The following LHFPL3 variants were observed in gnomAD, a reference collection of about 807,000 sequenced individuals.
The protein encoded by LHFPL3 is LHFPL tetraspan subfamily member 3 protein.
A neutral mutation model predicts 19.3 loss-of-function variants in LHFPL3; 5 were observed. The observed-to-expected ratio is 0.26, with a 90% CI of 0.14 to 0.54. The LOEUF (loss-of-function observed/expected upper bound fraction) is 0.54. Among genes scored for constraint, LHFPL3 ranks in the 20% least tolerant of loss-of-function variants. The pLI is 0.94. For synonymous variants in LHFPL3, 133 were observed against 126.2 expected (o/e 1.05, Z -0.36); for missense variants, 249 against 307.4 (o/e 0.81, Z 1.42).
chr7:104,560,009 C>G (rs1259123163), intron 1 of LHFPL3, among the ~76,000 whole-genome samples: 1 of 149,456 alleles, frequency 6.7e-6, no homozygotes, highest in Non-Finnish European at 1.5e-5. Context: ...TTGAACCAGC[C>G]TTGCATCCCA....
chr7:104,755,881 G>T (rs1794276500), intron 2 of LHFPL3, among the ~76,000 whole-genome samples: 1 of 152,140 alleles, frequency 6.6e-6, no homozygotes, highest in South Asian at 2.1e-4. Context: ...TTTTAGTAGA[G>T]ACAGGGTTTC....
intron 1 of LHFPL3, among the ~76,000 whole-genome samples, chr7:104,386,683 C>T (rs778133018): frequency 1.3e-5 from 2 of 152,178 alleles, no homozygotes; most frequent in Non-Finnish European, 2.9e-5. Context: ...CCCTGATATA[C>T]GTGTAGGACC....
At chr7:104,673,379 A>G (rs985618741) in intron 1 of LHFPL3, among the ~76,000 whole-genome samples, 13 of 152,344 alleles carry the variant, frequency 8.5e-5, no homozygotes, top group African/African-American at 3.1e-4. Flanking sequence ...CTCGTCTAAC[A>G]CTTTTTGGAA....
intron 1 of LHFPL3, among the ~76,000 whole-genome samples, chr7:104,372,458 C>A (rs1184437901): frequency 2.0e-5 from 3 of 152,160 alleles, no homozygotes; most frequent in Non-Finnish European, 2.9e-5. Flanking sequence ...TTAGGATACG[C>A]TGGTTGTGAT....
At chr7:104,656,276 G>A (rs1792119820) in intron 1 of LHFPL3, among the ~76,000 whole-genome samples, 1 of 151,594 alleles carries the variant, frequency 6.6e-6, no homozygotes, top group African/African-American at 2.4e-5. Context: ...ACCATCCTAT[G>A]CAAAAGTGAG....
At chr7:104,740,814 G>A (rs1379404080) in intron 2 of LHFPL3, among the ~76,000 whole-genome samples, 5 of 152,098 alleles carry the variant, frequency 3.3e-5, no homozygotes, top group African/African-American at 4.8e-5. Context: ...ATTTGGGTGG[G>A]GACACAGGCA....
intron 2 of LHFPL3, among the ~76,000 whole-genome samples, chr7:104,878,027 G>T (rs1436863534): frequency 6.6e-6 from 1 of 152,064 alleles, no homozygotes; most frequent in Non-Finnish European, 1.5e-5. Flanking sequence ...TAGAGACGGG[G>T]TTTCACCATG....
chr7:104,726,476 G>A (rs1358912893), intron 1 of LHFPL3, among the ~76,000 whole-genome samples: 1 of 151,826 alleles, frequency 6.6e-6, no homozygotes, highest in Non-Finnish European at 1.5e-5. Context: ...TTTCCTGACG[G>A]GCTTCTTCAC....
At chr7:104,558,472 G>A (rs1361306924) in intron 1 of LHFPL3, among the ~76,000 whole-genome samples, 1 of 152,160 alleles carries the variant, frequency 6.6e-6, no homozygotes, top group Non-Finnish European at 1.5e-5. Context: ...CTGCACAAAT[G>A]TCTTCTTTTG....
chr7:104,387,819 G>T (rs547584545), intron 1 of LHFPL3, among the ~76,000 whole-genome samples: 10 of 152,254 alleles, frequency 6.6e-5, no homozygotes, highest in East Asian at 1.9e-4. Context: ...TAGGTTCGGG[G>T]TACATGTGCA....
At chr7:104,607,887 GA>G (rs976243247) in intron 1 of LHFPL3, among the ~76,000 whole-genome samples, 6 of 150,702 alleles carry the variant, frequency 4.0e-5, no homozygotes, top group Admixed American at 1.3e-4. Context: ...AAAAACACAT[GA>G]AAAAAAAATG....
chr7:104,548,635 C>T (rs4730020), intron 1 of LHFPL3, among the ~76,000 whole-genome samples: 32,710 of 151,998 alleles, frequency 0.22, 3,835 homozygotes, highest in Middle Eastern at 0.31. Context: ...TCTCTAAATA[C>T]ACCACTAAGA....
intron 2 of LHFPL3, among the ~76,000 whole-genome samples, chr7:104,775,446 A>C (rs972212876): frequency 2.6e-5 from 4 of 152,172 alleles, no homozygotes; most frequent in African/African-American, 9.7e-5. Flanking sequence ...CTATTAATCA[A>C]ACTATATTTC....
intron 1 of LHFPL3, among the ~76,000 whole-genome samples, chr7:104,720,306 A>G (rs1793463627): frequency 6.6e-6 from 1 of 152,224 alleles, no homozygotes; most frequent in Non-Finnish European, 1.5e-5. Flanking sequence ...TTCCCTATTT[A>G]ATAAATGGTG....
At chr7:104,892,119 A>G (rs879880332) in intron 2 of LHFPL3, among the ~76,000 whole-genome samples, 4 of 152,254 alleles carry the variant, frequency 2.6e-5, no homozygotes, top group Admixed American at 1.3e-4. Context: ...ATTGGGTGAT[A>G]CATTGAGGAA....
At chr7:104,507,207 A>G (rs1793716314) in intron 1 of LHFPL3, among the ~76,000 whole-genome samples, 1 of 151,706 alleles carries the variant, frequency 6.6e-6, no homozygotes, top group African/African-American at 2.4e-5. Context: ...ACTTCAAACT[A>G]TACTACAAGG....
intron 1 of LHFPL3, among the ~76,000 whole-genome samples, chr7:104,483,576 G>C (rs1440804879): frequency 6.6e-6 from 1 of 152,136 alleles, no homozygotes; most frequent in Non-Finnish European, 1.5e-5. Context: ...CTTCCTTCAA[G>C]TGATGTAGTA....
At chr7:104,668,604 G>A in intron 1 of LHFPL3, 1 of 1,612,694 alleles carries the variant, frequency 6.2e-7, no homozygotes, top group South Asian at 1.1e-5. Context: ...CAGGGATGAT[G>A]ACTACAGAGA....
intron 2 of LHFPL3, among the ~76,000 whole-genome samples, chr7:104,767,133 TG>T (rs1794469065): frequency 6.6e-6 from 1 of 152,058 alleles, no homozygotes; most frequent in Non-Finnish European, 1.5e-5. Flanking sequence ...TCCTGAAGAG[TG>T]ACATTTCTCA....
Sources: allele counts gnomAD v4.1 joint callset (sites outside exome capture counted in the v4.1 genomes callset), GRCh38; gene constraint gnomAD v4.1.1; transcripts MANE v1.5; gene names NCBI Gene and HGNC (gene_info 2026-07-23, HGNC 2026-07-21).